The following CNN1 variants were observed in gnomAD, a reference collection of about 807,000 sequenced individuals.
CNN1 encodes calponin 1.
CNN1 carries 21 observed loss-of-function variants against 35.3 expected under a neutral mutation model. That is an observed-to-expected ratio of 0.60 (90% CI 0.42 to 0.86). CNN1 has a LOEUF of 0.86. CNN1 is among the 40% of genes least tolerant of loss of function. The pLI is 0.00. For synonymous variants in CNN1, 164 were observed against 161.8 expected, an observed-to-expected ratio of 1.01 and a Z score of -0.10; for missense variants, 314 against 400.8, an observed-to-expected ratio of 0.78 and a Z score of 1.85.
chr19:11,545,947 C>T (rs1044980127), intron 2 of CNN1, among the ~76,000 whole-genome samples: 3 of 150,254 alleles, frequency 2.0e-5, no homozygotes, highest in Non-Finnish European at 4.4e-5. Flanking sequence ...GCCTGGGCGA[C>T]AAAGCCACAC....
chr19:11,539,049 GCTTGGGGTCC>G, intron 1 of CNN1, 59 bp downstream of exon 1: 1 of 1,429,328 alleles, frequency 7.0e-7, no homozygotes, highest in Non-Finnish European at 9.4e-7. Flanking sequence ...AGAGCCCTGA[GCTTGGGGTCC>G]CTTGAACCCC....
rs745990452 is a variant in CNN1, at chr19:11,549,426, C to T, written c.605C>T (p.Ala202Val). 7 of 1,613,622 alleles carry T rather than the reference C, an allele frequency of 4.3e-6. No homozygotes were observed. The highest frequency in any genetic ancestry group is 1.1e-5 in the South Asian group (1 of 91,062). Residue 202 changes from alanine (A) to valine (V), a missense_variant, in exon 6 of 7, where the codon GCG (alanine) becomes GTG (valine). Transcript: ENST00000252456. The surrounding 1 kb of genome is among the most constrained non-coding windows in gnomAD (Gnocchi z 5.2). ...GGCACAGACCAGCCTCTGGACCAGG[C>T]GACCATCAGCCTGCAGATGGGCACC... ...KLGTDQPLDQ[A>V]TISLQMGTNK... is the part of the protein sequence containing the mutation.
chr19:11,539,251 C>A, intron 1 of CNN1: 1 of 1,245,656 alleles, frequency 8.0e-7, no homozygotes, highest in Non-Finnish European at 1.0e-6. Flanking sequence ...CCCACCTGAT[C>A]AGTCTTCTGT....
intron 2 of CNN1, chr19:11,542,093 G>A (rs1314526885): frequency 6.8e-6 from 1 of 146,368 alleles, no homozygotes; most frequent in Non-Finnish European, 1.5e-5. Context: ...TCACCATGTT[G>A]ACCGGGCTGG....
Position 11,549,008 on chromosome 19 carries a change from G to GA in CNN1, c.502-312dup, listed in dbSNP as rs1282485474. On this transcript the variant is annotated intron_variant, in intron 5 of 6. Transcript: ENST00000252456. The surrounding 1 kb of genome is among the most constrained non-coding windows in gnomAD (Gnocchi z 5.2). Reference sequence around the variant, plus strand: ...TCGAGACCAGCGTGGCCAACATGGTGAAACCCCATTTCTACTAAAAATACA... The same window carrying GA: ...TCGAGACCAGCGTGGCCAACATGGTGAAAACCCCATTTCTACTAAAAATACA... Among the ~76,000 whole-genome samples, 3 of 151,638 alleles carry GA rather than the reference G, an allele frequency of 2.0e-5. No individual in the cohort carries two copies. The highest frequency in any genetic ancestry group is 4.4e-5 in the Non-Finnish European group (3 of 67,908).
Position 11,549,600 on chromosome 19 carries a change from G to A in CNN1, c.699G>A (p.Leu233=). Residue 233 remains leucine (L), a synonymous_variant, in exon 7 of 7, where the codon CTG becomes CTA. Transcript: ENST00000252456. This position sits in a 1 kb window ranked among gnomAD's most constrained non-coding sequence, Gnocchi z 5.2. ...GTKRQIFEPG[L]GMEHCDTLNV... ...AGCGGCAGATCTTCGAGCCGGGGCT[G>A]GGCATGGAGCACTGCGACACGCTCA... The A allele has an allele frequency of 6.2e-7, 1 of 1,606,972 alleles. No homozygotes were observed. The highest frequency in any genetic ancestry group is 8.5e-7 in the Non-Finnish European group (1 of 1,174,622).
intron 2 of CNN1, 57 bp from the exon 3 acceptor site, chr19:11,546,618 G>A (rs1972590096): frequency 1.3e-6 from 2 of 1,596,592 alleles, no homozygotes; most frequent in Non-Finnish European, 1.7e-6. Flanking sequence ...ACAGGCGTGA[G>A]CCACCGTGCC....
At chr19:11,540,486 C>G (rs749904692) in intron 1 of CNN1, 3 of 151,824 alleles carry the variant, frequency 2.0e-5, no homozygotes, top group Non-Finnish European at 4.4e-5. Context: ...ACAGAGGAGT[C>G]GGGGGGATAA....
At chr19:11,540,558 A>G (rs866080845) in intron 1 of CNN1, 2 of 153,376 alleles carry the variant, frequency 1.3e-5, no homozygotes, top group African/African-American at 2.4e-5. Flanking sequence ...AGCCCCCACC[A>G]CTAACCAGAG....
At position 11,547,851 on chromosome 19, in the gene CNN1, G is replaced by A. The variant is rs1388444278; in HGVS notation, c.445G>A (p.Glu149Lys). ...NVGVKYAEKQ[E>K]RKFEPGKLRE... ...GGGAGTGAAGTACGCAGAGAAGCAGGAGCGGAAATTCGAGCCGGGGAAGCT... is the reference window on the plus strand; with the variant it reads ...GGGAGTGAAGTACGCAGAGAAGCAGAAGCGGAAATTCGAGCCGGGGAAGCT... The change falls in exon 5 of 7, where the codon GAG becomes AAG. Residue 149 changes from glutamate to lysine, a missense_variant. Transcript: ENST00000252456. The A allele has an allele frequency of 1.9e-6, 3 of 1,614,102 alleles. No individual in the cohort carries two copies. Among genetic ancestry groups the A allele is most frequent in the Non-Finnish European group, 2.5e-6 (3 of 1,179,994 alleles).
At chr19:11,546,117 T>C (rs1357735867) in intron 2 of CNN1, among the ~76,000 whole-genome samples, 3 of 152,238 alleles carry the variant, frequency 2.0e-5, no homozygotes, top group African/African-American at 7.2e-5. Flanking sequence ...TCCCAGAGAC[T>C]CGGACACACC....
rs1555744374 is a variant in CNN1, at chr19:11,549,193, A to AAAATAAATAAAT, written c.502-119_502-118insTAAATAAATAAA. 3.8e-6 allele frequency: 4 copies of AAAATAAATAAAT among 1,065,968 alleles called. No individual in the cohort carries two copies. In the African/African-American group the frequency reaches 6.6e-5, roughly 18 times the overall value. The allele number at this position is 1,065,968 out of a possible 1,614,324, so 66.0% of individuals were successfully genotyped here. A position where few individuals can be genotyped will look rare whatever the true frequency, so the allele number is the denominator to read the frequency against. ...ACAGAGCAAGACTCCGTCTCAAAAAAAAATAAATAAAATAAAATAAAAATT... is the reference window on the plus strand; with the variant it reads ...ACAGAGCAAGACTCCGTCTCAAAAAAAAATAAATAAATAAATAAATAAAATAAAATAAAAATT... On this transcript the variant is annotated intron_variant, in intron 5 of 6. Transcript: ENST00000252456. The surrounding 1 kb of genome is among the most constrained non-coding windows in gnomAD (Gnocchi z 5.2).
rs758511458 is a variant in CNN1, at chr19:11,541,213, G to C, written c.185+16G>C. On this transcript the variant is annotated intron_variant, in intron 2 of 6. Coordinates refer to ENST00000252456, the MANE Select transcript of CNN1 (RefSeq NM_001299.6). ...TTCTTTGCGAGTGAGTGAGGCTCTCGAAGCCGAGACCCTGCAACATCCCCC... is the reference window on the plus strand; with the variant it reads ...TTCTTTGCGAGTGAGTGAGGCTCTCCAAGCCGAGACCCTGCAACATCCCCC... 21 of 1,544,230 alleles carry C rather than the reference G, an allele frequency of 1.4e-5. No individual in the cohort carries two copies. The highest frequency in any genetic ancestry group is 1.8e-5 in the Non-Finnish European group (21 of 1,141,500).
At chr19:11,539,896 G>T (rs1445733878) in intron 1 of CNN1, 1 of 1,139,646 alleles carries the variant, frequency 8.8e-7, no homozygotes, top group African/African-American at 1.7e-5. Flanking sequence ...CCAGAGCCGC[G>T]CAGAGCCGCG....
chr19:11,541,322 G>A, intron 2 of CNN1, 125 bp downstream of exon 2: 1 of 1,271,532 alleles, frequency 7.9e-7, no homozygotes, highest in Non-Finnish European at 1.1e-6. Context: ...CTTTGGGGTG[G>A]CCAGTAATCA....
chr19:11,542,353 C>G (rs919813674), intron 2 of CNN1: 1 of 150,436 alleles, frequency 6.6e-6, no homozygotes, highest in Non-Finnish European at 1.5e-5. Context: ...CCACCTTGCC[C>G]GGATAACTTT....
chr19:11,539,722 G>A (rs1237330679), intron 1 of CNN1: 1 of 822,160 alleles, frequency 1.2e-6, no homozygotes, highest in Admixed American at 2.3e-5. Context: ...GGGGAACACT[G>A]AGGCTCAGGG....
At chr19:11,539,903 C>A in intron 1 of CNN1, 7 of 1,130,962 alleles carry the variant, frequency 6.2e-6, no homozygotes, top group South Asian at 3.5e-5. Flanking sequence ...CGCGCAGAGC[C>A]GCGCAGAGAC....
intron 2 of CNN1, among the ~76,000 whole-genome samples, chr19:11,541,398 T>A (rs957333710): frequency 6.6e-6 from 1 of 152,118 alleles, no homozygotes; most frequent in Non-Finnish European, 1.5e-5. Flanking sequence ...AAGTCCCACG[T>A]GGTTTCAAGG....
Sources: allele counts gnomAD v4.1 joint callset (sites outside exome capture counted in the v4.1 genomes callset), GRCh38; gene constraint gnomAD v4.1.1; non-coding constraint Gnocchi (gnomAD v3.1); transcripts MANE v1.5; gene names NCBI Gene and HGNC (gene_info 2026-07-23, HGNC 2026-07-21).